SLC36A2: variants seen among roughly 807,000 people sequenced by gnomAD.
SLC36A2 encodes proton-coupled amino acid transporter 2.
In SLC36A2, 39 loss-of-function variants were observed where a neutral mutation model predicts 42.7. The observed-to-expected ratio is 0.91, with a 90% CI of 0.71 to 1.19. The LOEUF (loss-of-function observed/expected upper bound fraction) is 1.19, where lower values mean the gene tolerates loss of function less well. SLC36A2 is among the 50% of genes most tolerant of loss of function. The pLI is 0.00. For synonymous variants in SLC36A2, 237 were observed against 240.8 expected (o/e 0.98, Z 0.15); for missense variants, 590 against 613.7 (o/e 0.96, Z 0.41).
At chr5:151,334,670 G>A (rs1756095917) in intron 6 of SLC36A2, among the ~76,000 whole-genome samples, 2 of 152,154 alleles carry the variant, frequency 1.3e-5, no homozygotes, top group Non-Finnish European at 2.9e-5. Context: ...CAGCCTGGGT[G>A]AAAGATCGAG....
chr5:151,319,887 C>G (rs1426120944), intron 9 of SLC36A2: 1 of 152,178 alleles, frequency 6.6e-6, no homozygotes, highest in Non-Finnish European at 1.5e-5. Flanking sequence ...TAAATGATTT[C>G]TGTATATTAT....
At chr5:151,334,306 T>TGG (rs1212641121) in intron 6 of SLC36A2, among the ~76,000 whole-genome samples, 1 of 152,248 alleles carries the variant, frequency 6.6e-6, no homozygotes, top group Non-Finnish European at 1.5e-5. Context: ...TTTTCTCTTG[T>TGG]GGCTTCTTAA....
Position 151,316,666 on chromosome 5 carries a change from G to A in SLC36A2, c.*151C>T. The A allele has an allele frequency of 1.0e-6, 1 of 985,904 alleles. No individual in the cohort carries two copies. The highest frequency in any genetic ancestry group is 1.5e-6 in the Non-Finnish European group (1 of 686,988). 61.1% of individuals were successfully genotyped at this position (985,904 alleles called of 1,614,324 possible). On this transcript the variant is annotated 3_prime_UTR_variant, in exon 10 of 10. Coordinates refer to ENST00000335244, the MANE Select transcript of SLC36A2 (RefSeq NM_181776.3). ...GAGGCAGGAGAATCGCTTGAACCCA[G>A]GAGGCCGAAGTTGTGGTGAGCTGAG...
intron 8 of SLC36A2, 40 bp downstream of exon 8, chr5:151,325,246 C>G: frequency 6.2e-7 from 1 of 1,605,462 alleles, no homozygotes. Context: ...CGTTTCCACC[C>G]ATTCCTGAGT....
At position 151,347,352 on chromosome 5, in the gene SLC36A2, A is replaced by C; in HGVS notation, c.109T>G (p.Phe37Val). 6.2e-7 allele frequency: 1 copy of C among 1,614,244 alleles called. No homozygotes were observed. The highest frequency in any genetic ancestry group is 8.5e-7 in the Non-Finnish European group (1 of 1,180,032). ...AKKLENKDST[F>V]LDESPSESAG... ...GACTCTGAAGGACTTTCATCCAAGAATGTAGAGTCCTTGTTCTCCAACTTC... is the reference window on the plus strand; with the variant it reads ...GACTCTGAAGGACTTTCATCCAAGACTGTAGAGTCCTTGTTCTCCAACTTC... Residue 37 changes from phenylalanine (F) to valine (V), a missense_variant, in exon 1 of 10, where the codon TTC becomes GTC. Phe to Val is a conservative substitution (Grantham distance 50). Transcript: ENST00000335244.
intron 1 of SLC36A2, 53 bp from the exon 2 acceptor site, chr5:151,344,320 C>T: frequency 6.8e-7 from 1 of 1,465,384 alleles, no homozygotes; most frequent in Non-Finnish European, 9.5e-7. Context: ...TGAGAAGATC[C>T]AGCGGTGATT....
intron 4 of SLC36A2, among the ~76,000 whole-genome samples, chr5:151,341,643 C>T (rs61593621): frequency 0.14 from 21,961 of 151,974 alleles, 3,686 homozygotes; most frequent in African/African-American, 0.41. Flanking sequence ...CAAGACTTCA[C>T]TCAGCTCAAC....
chr5:151,335,142 A>G (rs1317264780), intron 6 of SLC36A2, among the ~76,000 whole-genome samples, 187 bp downstream of exon 6: 2 of 152,196 alleles, frequency 1.3e-5, no homozygotes, highest in East Asian at 3.9e-4. Flanking sequence ...GAACATGAAC[A>G]AGGAGACAAT....
rs377512500 is a variant in SLC36A2, at chr5:151,340,247, GGGAAGAAGAGGAGGAGGT to G, written c.441-1121_441-1104del. ...GAGGAGGAAGGGGAGGAGGAGGAGG[GGGAAGAAGAGGAGGAGGT>G]GGAAGAAGAACTAAGAGAAGAGGAA... On this transcript the variant is annotated intron_variant, in intron 4 of 9. Transcript: ENST00000335244. Among the ~76,000 whole-genome samples, 1,201 of 147,544 alleles carry G rather than the reference GGGAAGAAGAGGAGGAGGT, an allele frequency of 8.1e-3. 13 individuals are homozygous for G. Among genetic ancestry groups the G allele is most frequent in the African/African-American group, 0.027 (1,083 of 39,726 alleles).
intron 4 of SLC36A2, among the ~76,000 whole-genome samples, chr5:151,340,441 TGTA>T (rs1397318519): frequency 6.6e-6 from 1 of 152,114 alleles, no homozygotes; most frequent in Non-Finnish European, 1.5e-5. Context: ...ACTGTTGAGT[TGTA>T]GTAGTGGATA....
At chr5:151,330,018 TA>T (rs1015131354) in intron 7 of SLC36A2, among the ~76,000 whole-genome samples, 5 of 151,746 alleles carry the variant, frequency 3.3e-5, no homozygotes, top group African/African-American at 4.8e-5. Context: ...TGTGTGTGTT[TA>T]GGGGGGTGGG....
chr5:151,318,499 A>T (rs1010977828), intron 9 of SLC36A2, among the ~76,000 whole-genome samples: 4 of 121,256 alleles, frequency 3.3e-5, no homozygotes, highest in African/African-American at 1.2e-4. Context: ...TTTATCTATA[A>T]TAAAAATAAA....
chr5:151,345,364 C>T (rs1756462956), intron 1 of SLC36A2, among the ~76,000 whole-genome samples: 2 of 152,202 alleles, frequency 1.3e-5, no homozygotes, highest in Admixed American at 6.5e-5. Context: ...CTAGCTGTGT[C>T]ATCTTGGGCA....
chr5:151,332,750 C>A (rs1333224329), intron 7 of SLC36A2, among the ~76,000 whole-genome samples: 1 of 152,168 alleles, frequency 6.6e-6, no homozygotes, highest in Non-Finnish European at 1.5e-5. Flanking sequence ...TTGAAACTTA[C>A]AGGAATGTAC....
intron 9 of SLC36A2, among the ~76,000 whole-genome samples, chr5:151,317,396 G>A (rs1029459308): frequency 2.7e-5 from 4 of 150,356 alleles, no homozygotes; most frequent in African/African-American, 7.4e-5. Context: ...AGGTTGCAGT[G>A]AGCCAAGATC....
At chr5:151,340,193 G>A (rs1455181249) in intron 4 of SLC36A2, among the ~76,000 whole-genome samples, 19 of 109,302 alleles carry the variant, frequency 1.7e-4, no homozygotes, top group African/African-American at 6.2e-4. Flanking sequence ...GGAAGAGGTG[G>A]AGGAGGAGGA....
At chr5:151,321,865 A>G in intron 9 of SLC36A2, 181 bp downstream of exon 9, 3 of 654,416 alleles carry the variant, frequency 4.6e-6, no homozygotes, top group Non-Finnish European at 8.1e-6. Context: ...TTTAGTAGAG[A>G]CAGGGTTTCA....
At position 151,335,497 on chromosome 5, in the gene SLC36A2, C is replaced by T. The variant is rs774727485; in HGVS notation, c.576G>A (p.Thr192=). ...STTNNCYSNE[T]VILTPTMDSR... ...AGTCCATGGTGGGGGTCAGAATCAC[C>T]GTCTCATTGGAATAGCAGTTGTTGG... is the stretch of plus-strand genomic sequence containing the variant. Residue 192 remains threonine (T), a synonymous_variant, in exon 6 of 10, where the codon ACG becomes ACA. Transcript: ENST00000335244. 6.2e-6 allele frequency: 10 copies of T among 1,613,904 alleles called. No individual in the cohort carries two copies. Among genetic ancestry groups the T allele is most frequent in the East Asian group, 4.5e-5 (2 of 44,900 alleles).
At position 151,316,704 on chromosome 5, in the gene SLC36A2, T is replaced by C. The variant is rs10045447; in HGVS notation, c.*113A>G. 62,679 of 1,294,132 alleles carry C rather than the reference T, an allele frequency of 0.048. 2,308 individuals carry two copies. The highest frequency in any genetic ancestry group is 0.18 in the African/African-American group (10,884 of 59,752). 80.2% of individuals were successfully genotyped at this position (1,294,132 alleles called of 1,614,324 possible). ...GTGGTGAGCTGAGATCGCATCATTGTACTCCAGTCTGGGCAACAAGACAGA... is the reference window on the plus strand; with the variant it reads ...GTGGTGAGCTGAGATCGCATCATTGCACTCCAGTCTGGGCAACAAGACAGA... On this transcript the variant is annotated 3_prime_UTR_variant, in exon 10 of 10. Transcript: ENST00000335244.
Sources: gnomAD v4.1 joint callset for allele counts (sites outside exome capture counted in the v4.1 genomes callset) on GRCh38, gnomAD v4.1.1 for gene constraint, MANE v1.5 for transcripts, NCBI Gene and HGNC (gene_info 2026-07-23, HGNC 2026-07-21) for gene names.